CSMD1: variants seen among roughly 807,000 people sequenced by gnomAD.
CSMD1 encodes the protein CUB and sushi domain-containing protein 1.
CSMD1 carries 213 observed loss-of-function variants against 417.5 expected under a neutral mutation model. The observed-to-expected ratio is 0.51, with a 90% CI of 0.46 to 0.57. The LOEUF (loss-of-function observed/expected upper bound fraction) is 0.57, where lower values mean the gene tolerates loss of function less well. CSMD1 is among the 20% of genes least tolerant of loss of function. The pLI, the probability that CSMD1 is intolerant of heterozygous loss-of-function variation, is 0.00. For missense variants in CSMD1, 6,923 were observed against 4,529.7 expected, an observed-to-expected ratio of 1.53 and a Z score of -15.17; for synonymous variants, 2,862 against 1,736.8, an observed-to-expected ratio of 1.65 and a Z score of -16.11.
At chr8:4,072,653 G>A (rs117355529) in intron 3 of CSMD1, among the ~76,000 whole-genome samples, 3,687 of 152,252 alleles carry the variant, frequency 0.024, 59 homozygotes, top group Admixed American at 0.04. Context: ...GATTAAGGAA[G>A]GCTTCCCCTT....
chr8:4,594,217 T>TTTTTTTTTTC (rs1800141426), intron 2 of CSMD1, among the ~76,000 whole-genome samples: 2 of 146,556 alleles, frequency 1.4e-5, no homozygotes, highest in African/African-American at 2.6e-5. Flanking sequence ...TTTTTTTTTT[T>TTTTTTTTTTC]CTCTGAGACG....
chr8:4,396,819 G>A (rs928702525), intron 3 of CSMD1, among the ~76,000 whole-genome samples: 1 of 152,040 alleles, frequency 6.6e-6, no homozygotes, highest in Admixed American at 6.6e-5. Context: ...ATAAGAAGTG[G>A]GAGCTAAGCT....
intron 1 of CSMD1, among the ~76,000 whole-genome samples, chr8:4,729,794 T>C (rs1329574229): frequency 1.3e-5 from 2 of 152,308 alleles, no homozygotes; most frequent in African/African-American, 2.4e-5. Context: ...GTATAATCAA[T>C]AATGAAATAA....
intron 3 of CSMD1, among the ~76,000 whole-genome samples, chr8:4,164,410 A>G (rs1214897851): frequency 6.6e-6 from 1 of 152,124 alleles, no homozygotes; most frequent in Non-Finnish European, 1.5e-5. Flanking sequence ...AAGTGATGCT[A>G]ATATCCTTGA....
intron 10 of CSMD1, among the ~76,000 whole-genome samples, chr8:3,497,234 G>C (rs1218012509): frequency 6.6e-6 from 1 of 152,126 alleles, no homozygotes; most frequent in African/African-American, 2.4e-5. Flanking sequence ...TCCATGCTGA[G>C]AGTAGCAGGA....
intron 5 of CSMD1, among the ~76,000 whole-genome samples, chr8:3,824,645 A>C (rs1356267371): frequency 6.6e-6 from 1 of 152,210 alleles, no homozygotes; most frequent in Non-Finnish European, 1.5e-5. Context: ...TACATGCTGA[A>C]ATAGCATTTG....
At chr8:3,261,978 C>T (rs979433318) in intron 26 of CSMD1, among the ~76,000 whole-genome samples, 1 of 151,654 alleles carries the variant, frequency 6.6e-6, no homozygotes, top group African/African-American at 2.4e-5. Context: ...TCTAGTTCTA[C>T]AGGATGTTAC....
intron 65 of CSMD1, among the ~76,000 whole-genome samples, chr8:2,951,644 C>T (rs1037902551): frequency 6.6e-6 from 1 of 152,094 alleles, no homozygotes. Flanking sequence ...CCCATGAAAT[C>T]ACTACTGATA....
intron 1 of CSMD1, among the ~76,000 whole-genome samples, chr8:4,983,537 T>C (rs1274861190): frequency 6.6e-6 from 1 of 152,172 alleles, no homozygotes; most frequent in Non-Finnish European, 1.5e-5. Flanking sequence ...CTTTTTGTTT[T>C]TTGAAATGGA....
At chr8:3,683,618 G>T (rs538129461) in intron 7 of CSMD1, among the ~76,000 whole-genome samples, 1 of 152,070 alleles carries the variant, frequency 6.6e-6, no homozygotes, top group Non-Finnish European at 1.5e-5. Flanking sequence ...CAGGTCTTCC[G>T]CTGAAAACAT....
chr8:4,424,644 C>G (rs929718247), intron 2 of CSMD1, among the ~76,000 whole-genome samples: 1 of 152,018 alleles, frequency 6.6e-6, no homozygotes, highest in Admixed American at 6.6e-5. Flanking sequence ...AAACAGAAAA[C>G]TTCCGAAGAA....
intron 36 of CSMD1, among the ~76,000 whole-genome samples, chr8:3,185,081 G>C (rs1821661764): frequency 6.6e-6 from 1 of 152,136 alleles, no homozygotes; most frequent in Non-Finnish European, 1.5e-5. Flanking sequence ...AGAACTGAAG[G>C]GACCATGGAC....
chr8:3,642,579 G>C (rs145763877), intron 7 of CSMD1, among the ~76,000 whole-genome samples: 2 of 152,298 alleles, frequency 1.3e-5, no homozygotes, highest in Non-Finnish European at 2.9e-5. Context: ...CATAAAGGAT[G>C]AAAAGCAATT....
At chr8:4,505,852 G>C (rs567581551) in intron 2 of CSMD1, among the ~76,000 whole-genome samples, 1 of 151,504 alleles carries the variant, frequency 6.6e-6, no homozygotes, top group Non-Finnish European at 1.5e-5. Context: ...CCACAATAGA[G>C]TACAGTGGCG....
chr8:4,148,836 TG>T (rs984821976), intron 3 of CSMD1, among the ~76,000 whole-genome samples: 8 of 152,214 alleles, frequency 5.3e-5, no homozygotes, highest in African/African-American at 1.9e-4. Flanking sequence ...ATGCTGCCTT[TG>T]GCTTGTGTCC....
chr8:4,317,073 A>C (rs1039602672), intron 3 of CSMD1, among the ~76,000 whole-genome samples: 2 of 152,182 alleles, frequency 1.3e-5, no homozygotes, highest in African/African-American at 4.8e-5. Flanking sequence ...GGAATTAATC[A>C]GCTACTAGTG....
At chr8:4,835,343 G>A (rs117194732) in intron 1 of CSMD1, among the ~76,000 whole-genome samples, 1,684 of 152,312 alleles carry the variant, frequency 0.011, 10 homozygotes, top group Middle Eastern at 0.041. Flanking sequence ...TCAATGCAAA[G>A]AGGTAATATT....
chr8:3,975,076 A>G (rs1813341131), intron 5 of CSMD1, among the ~76,000 whole-genome samples: 2 of 152,188 alleles, frequency 1.3e-5, no homozygotes, highest in African/African-American at 2.4e-5. Flanking sequence ...ACTGAAGTTT[A>G]TTTCTTAACG....
intron 1 of CSMD1, among the ~76,000 whole-genome samples, chr8:4,828,813 T>C (rs866939051): frequency 6.6e-5 from 10 of 152,154 alleles, no homozygotes; most frequent in African/African-American, 1.7e-4. Context: ...AGAAGTACTG[T>C]TGTGAAGAAC....
Sources: allele counts gnomAD v4.1 joint callset (sites outside exome capture counted in the v4.1 genomes callset), GRCh38; gene constraint gnomAD v4.1.1; transcripts MANE v1.5; gene names NCBI Gene and HGNC (gene_info 2026-07-23, HGNC 2026-07-21).